Variants in TBCD observed in about 807,000 individuals in gnomAD.
TBCD encodes tubulin folding cofactor D, also known as tubulin-specific chaperone D.
TBCD carries 105 observed loss-of-function variants against 169.3 expected under a neutral mutation model. The ratio of observed to expected loss-of-function variants is 0.62; its 90% CI spans 0.53 to 0.73. The LOEUF (loss-of-function observed/expected upper bound fraction) is 0.73. Among genes scored for constraint, TBCD ranks in the 30% least tolerant of loss-of-function variants. TBCD has a pLI of 0.00. For synonymous variants in TBCD, 700 were observed against 643.9 expected, an observed-to-expected ratio of 1.09 and a Z score of -1.32; for missense variants, 1,444 against 1,600.1, an observed-to-expected ratio of 0.90 and a Z score of 1.66.
chr17:82,929,639 G>A, intron 32 of TBCD, 139 bp downstream of exon 32: 1 of 1,228,848 alleles, frequency 8.1e-7, no homozygotes, highest in Non-Finnish European at 1.2e-6. Flanking sequence ...TGGTTAGGGG[G>A]TCAGGGGCCC....
chr17:82,758,384 G>GGGAAAAAAAAAAA (rs1555672563), intron 2 of TBCD, among the ~76,000 whole-genome samples: 1 of 25,000 alleles, frequency 4.0e-5, no homozygotes, highest in East Asian at 3.2e-3. Flanking sequence ...AAACGTCTCG[G>GGGAAAAAAAAAAA]AAAAAAAAAA....
At chr17:82,929,046 G>T (rs2061989435) in intron 30 of TBCD, 67 bp from the exon 31 acceptor site, 2 of 1,558,932 alleles carry the variant, frequency 1.3e-6, no homozygotes, top group South Asian at 2.3e-5. Flanking sequence ...GACCGCCTGT[G>T]CTCAGTTTAC....
intron 28 of TBCD, 34 bp from the exon 29 acceptor site, chr17:82,927,152 G>GT (rs747680817): frequency 4.5e-5 from 73 of 1,612,870 alleles, no homozygotes; most frequent in Non-Finnish European, 5.7e-5. Flanking sequence ...GCTCACCGAT[G>GT]TTTGTTTGTT....
chr17:82,874,776 T>C lies in TBCD; in HGVS notation c.1475+4396T>C, dbSNP rs1212732749. ...GGAGCCCTGCGCACCCGGGTATCGG[T>C]TGGGGTGTGCCCTTCCAGATCTCCC... On this transcript the variant is annotated intron_variant, in intron 14 of 38. Coordinates refer to ENST00000355528, the MANE Select transcript of TBCD (RefSeq NM_005993.5). The surrounding 1 kb of genome is among the most constrained non-coding windows in gnomAD (Gnocchi z 5.0). Among the ~76,000 whole-genome samples, 1 of 152,182 alleles carries C rather than the reference T, an allele frequency of 6.6e-6. No individual in the cohort carries two copies. Among genetic ancestry groups the C allele is most frequent in the Non-Finnish European group, 1.5e-5 (1 of 68,030 alleles).
intron 21 of TBCD, 65 bp from the exon 22 acceptor site, chr17:82,909,220 T>TG (rs1453774859): frequency 9.5e-6 from 12 of 1,261,670 alleles, no homozygotes; most frequent in Non-Finnish European, 1.3e-5. Context: ...TTTTGACAGT[T>TG]GTTAACGTAT....
intron 34 of TBCD, among the ~76,000 whole-genome samples, chr17:82,934,536 G>A (rs1430094288): frequency 6.6e-6 from 1 of 151,950 alleles, no homozygotes; most frequent in Non-Finnish European, 1.5e-5. Flanking sequence ...GAATTGGTGC[G>A]ATCTCAGCTC....
chr17:82,859,705 G>A (rs948832016), intron 13 of TBCD: 1 of 985,472 alleles, frequency 1.0e-6, no homozygotes, highest in South Asian at 4.7e-5. Context: ...CTTGCCCGCC[G>A]GGAGTGTGGC....
At chr17:82,828,799 A>G (rs2053195106) in intron 13 of TBCD, among the ~76,000 whole-genome samples, 1 of 151,674 alleles carries the variant, frequency 6.6e-6, no homozygotes. Context: ...AGATATGCAC[A>G]TGTGCACACC....
intron 13 of TBCD, among the ~76,000 whole-genome samples, chr17:82,849,463 T>C (rs1194220453): frequency 6.6e-6 from 1 of 152,248 alleles, no homozygotes; most frequent in Non-Finnish European, 1.5e-5. Flanking sequence ...CCTTTTCATA[T>C]CTTCCTTGTT....
intron 17 of TBCD, among the ~76,000 whole-genome samples, chr17:82,895,372 G>A (rs2059405062): frequency 6.6e-6 from 1 of 152,230 alleles, no homozygotes; most frequent in African/African-American, 2.4e-5. Flanking sequence ...GGGAGGCAGT[G>A]GTCCTGTTCA....
chr17:82,805,625 T>TAATCA (rs1424529879), intron 9 of TBCD, among the ~76,000 whole-genome samples: 1 of 152,178 alleles, frequency 6.6e-6, no homozygotes, highest in African/African-American at 2.4e-5. Context: ...TGACTTTCCC[T>TAATCA]AATCAAAGCT....
At chr17:82,836,739 C>T (rs1309094644) in intron 13 of TBCD, among the ~76,000 whole-genome samples, 1 of 151,846 alleles carries the variant, frequency 6.6e-6, no homozygotes, top group Non-Finnish European at 1.5e-5. Context: ...ACAAAAAAAC[C>T]CACAAAACCC....
Position 82,799,441 on chromosome 17 carries a change from CAAAAA to C in TBCD, c.818-1405_818-1401del, listed in dbSNP as rs61017445. On this transcript the variant is annotated intron_variant, in intron 8 of 38. Transcript: ENST00000355528. ...CTGGCGACAGAGCAAGACTCTGTCT[CAAAAA>C]AAAAAAAAAAAAAAAAAGAAACTAT... is the stretch of plus-strand genomic sequence containing the variant. Among the ~76,000 whole-genome samples, 7 of 72,626 alleles carry C rather than the reference CAAAAA, an allele frequency of 9.6e-5. No individual in the cohort carries two copies. In the East Asian group the frequency reaches 1.4e-3, roughly 15 times the overall value. 47.6% of individuals were successfully genotyped at this position (72,626 alleles called of 152,430 possible). A position where few individuals can be genotyped will look rare whatever the true frequency, so the allele number is the denominator to read the frequency against.
chr17:82,807,538 G>C, intron 10 of TBCD, 70 bp from the exon 11 acceptor site: 1 of 1,284,482 alleles, frequency 7.8e-7, no homozygotes, highest in Non-Finnish European at 1.0e-6. Context: ...TACAGGATGG[G>C]TCACCTTACA....
chr17:82,934,051 T>G (rs1243542694), intron 34 of TBCD, among the ~76,000 whole-genome samples: 4 of 152,234 alleles, frequency 2.6e-5, no homozygotes, highest in African/African-American at 4.8e-5. Context: ...GGCCATCTTT[T>G]GGGTGGTTCG....
chr17:82,943,990 G>A lies in TBCD; in HGVS notation c.*1527G>A, dbSNP rs1292136082. The stretch of plus-strand genomic sequence containing the variant: ...GACTCTGGTTGCGCCTGCTGGGTGT[G>A]GAACAGGCGCACCATCGCCATGCCT... On this transcript the variant is annotated 3_prime_UTR_variant, in exon 39 of 39. Coordinates refer to ENST00000355528, the MANE Select transcript of TBCD (RefSeq NM_005993.5). 1 of 152,176 alleles carries A rather than the reference G, an allele frequency of 6.6e-6. No homozygotes were observed. The highest frequency in any genetic ancestry group is 1.5e-5 in the Non-Finnish European group (1 of 68,036). 9.4% of individuals were successfully genotyped at this position (152,176 alleles called of 1,614,324 possible). A position where few individuals can be genotyped will look rare whatever the true frequency, so the allele number is the denominator to read the frequency against.
In TBCD at chr17:82,833,948, G is replaced by GTT. The variant is rs141969015; in HGVS notation, c.1318+19018_1318+19019dup. Among the ~76,000 whole-genome samples, 31 of 148,272 alleles carry GTT rather than the reference G, an allele frequency of 2.1e-4. No individual in the cohort carries two copies. The highest frequency in any genetic ancestry group is 4.3e-4 in the South Asian group (2 of 4,620). ...ACGCCCAAGGCTGAGAACAAAGGCT[G>GTT]TTTTTCTTTTTTTGAGACAGAGTTT... On this transcript the variant is annotated intron_variant, in intron 13 of 38. Transcript: ENST00000355528. This position sits in a 1 kb window ranked among gnomAD's most constrained non-coding sequence, Gnocchi z 4.7.
rs1003362665 is a variant in TBCD, at chr17:82,884,078, T to A, written c.1476-67T>A. The A allele has an allele frequency of 4.8e-6, 7 of 1,465,516 alleles. No homozygotes were observed. The African/African-American group carries it at 8.4e-5, about 18-fold the overall frequency. The allele number at this position is 1,465,516 out of a possible 1,614,324, so 90.8% of individuals were successfully genotyped here. A position where few individuals can be genotyped will look rare whatever the true frequency, so the allele number is the denominator to read the frequency against. The stretch of plus-strand genomic sequence containing the variant: ...GAGTCGTGAGAGAAAGGCTTTCTCA[T>A]CGATACTGTGTGGTCTGTACTGTTT... On this transcript the variant is annotated intron_variant, in intron 14 of 38. Transcript: ENST00000355528. The surrounding 1 kb of genome is among the most constrained non-coding windows in gnomAD (Gnocchi z 4.2).
intron 13 of TBCD, among the ~76,000 whole-genome samples, chr17:82,863,212 C>A (rs560864927): frequency 4.6e-5 from 7 of 152,322 alleles, no homozygotes; most frequent in African/African-American, 1.7e-4. Flanking sequence ...GTCCTCAGAT[C>A]AGCTGCTTCA....
Sources: allele counts gnomAD v4.1 joint callset (sites outside exome capture counted in the v4.1 genomes callset), GRCh38; gene constraint gnomAD v4.1.1; non-coding constraint Gnocchi (gnomAD v3.1); transcripts MANE v1.5; gene names NCBI Gene and HGNC (gene_info 2026-07-23, HGNC 2026-07-21).